The following SERPINI1 variants were observed in gnomAD, a reference collection of about 807,000 sequenced individuals.
SERPINI1 encodes serpin family I member 1.
A neutral mutation model predicts 41.1 loss-of-function variants in SERPINI1; 19 were observed. That is an observed-to-expected ratio of 0.46 (90% CI 0.32 to 0.68). The LOEUF (loss-of-function observed/expected upper bound fraction) is 0.68. Among genes scored for constraint, SERPINI1 ranks in the 30% least tolerant of loss-of-function variants. The pLI, the probability that SERPINI1 is intolerant of heterozygous loss-of-function variation, is 0.03. For missense variants in SERPINI1, 460 were observed against 479.2 expected, an observed-to-expected ratio of 0.96 and a Z score of 0.37; for synonymous variants, 138 against 156.6, an observed-to-expected ratio of 0.88 and a Z score of 0.89.
chr3:167,797,653 T>C (rs867067355), intron 5 of SERPINI1, among the ~76,000 whole-genome samples: 10 of 151,964 alleles, frequency 6.6e-5, no homozygotes, highest in Non-Finnish European at 1.3e-4. Flanking sequence ...TTAGCATGCA[T>C]AACTTTCTGT....
intron 6 of SERPINI1, among the ~76,000 whole-genome samples, chr3:167,812,431 A>G (rs946894169): frequency 6.6e-6 from 1 of 152,210 alleles, no homozygotes; most frequent in Non-Finnish European, 1.5e-5. Flanking sequence ...TTCCACAAGA[A>G]AAATCTCCTG....
chr3:167,787,284 T>A (rs1727346552), intron 1 of SERPINI1, among the ~76,000 whole-genome samples: 1 of 152,338 alleles, frequency 6.6e-6, no homozygotes, highest in African/African-American at 2.4e-5. Context: ...GTTATTTTTT[T>A]AAAATGATAA....
intron 1 of SERPINI1, among the ~76,000 whole-genome samples, chr3:167,784,973 T>G (rs1037160283): frequency 1.3e-5 from 2 of 152,196 alleles, no homozygotes; most frequent in African/African-American, 4.8e-5. Context: ...CCAAGCATGG[T>G]GGCTCACACC....
Position 167,790,515 on chromosome 3 carries a change from T to C in SERPINI1, c.394T>C (p.Phe132Leu), listed in dbSNP as rs779089806. 1 of 1,614,010 alleles carries C rather than the reference T, an allele frequency of 6.2e-7. No homozygotes were observed. The change falls in exon 3 of 9, where the codon TTT becomes CTT. Residue 132 changes from phenylalanine (F) to leucine (L), a missense_variant. Transcript: ENST00000446050. ...EEFLQMMKKYFNAAVNHVDFS... is the reference protein window; with the variant it reads ...EEFLQMMKKYLNAAVNHVDFS... The stretch of plus-strand genomic sequence containing the variant: ...GTTTTTGCAAATGATGAAAAAATAT[T>C]TTAATGCAGCAGTAAATCATGTGGA...
rs1228222500 is a variant in SERPINI1 at position 167,783,149 on chromosome 3, G to T, written c.-18-5962G>T. On this transcript the variant is annotated intron_variant, in intron 1 of 8. Transcript: ENST00000446050. ...CCAATAACCAGCAGTTCAGAGAGTGGCTGGAAACCAGAACCATTGGTATAG... is the reference window on the plus strand; with the variant it reads ...CCAATAACCAGCAGTTCAGAGAGTGTCTGGAAACCAGAACCATTGGTATAG... Among the ~76,000 whole-genome samples, 4 of 152,270 alleles carry T rather than the reference G, an allele frequency of 2.6e-5. No individual in the cohort carries two copies. The East Asian group carries it at 7.7e-4, about 29-fold the overall frequency.
chr3:167,737,836 A>C (rs539917963), intron 1 of SERPINI1, among the ~76,000 whole-genome samples: 1 of 152,220 alleles, frequency 6.6e-6, no homozygotes, highest in African/African-American at 2.4e-5. Context: ...GACACGGTAA[A>C]GGATAGAATC....
intron 1 of SERPINI1, among the ~76,000 whole-genome samples, chr3:167,768,442 G>T (rs563942211): frequency 6.6e-6 from 1 of 152,068 alleles, no homozygotes; most frequent in Admixed American, 6.6e-5. Flanking sequence ...TAACTTTATT[G>T]TGGCGACCTG....
At chr3:167,764,990 C>G (rs1726512592) in intron 1 of SERPINI1, among the ~76,000 whole-genome samples, 1 of 152,190 alleles carries the variant, frequency 6.6e-6, no homozygotes, top group Non-Finnish European at 1.5e-5. Flanking sequence ...TTGGGCAGCT[C>G]CACCCCTGTG....
chr3:167,791,672 A>C (rs180799374), intron 3 of SERPINI1, among the ~76,000 whole-genome samples: 2 of 152,360 alleles, frequency 1.3e-5, no homozygotes, highest in East Asian at 3.9e-4. Context: ...TTTGGAAAGG[A>C]ATATTTCAGA....
At chr3:167,762,966 T>G (rs1219502306) in intron 1 of SERPINI1, among the ~76,000 whole-genome samples, 2 of 152,136 alleles carry the variant, frequency 1.3e-5, no homozygotes, top group African/African-American at 2.4e-5. Context: ...GGTCTGGACT[T>G]TGGAGCCAGA....
At chr3:167,792,438 C>A in intron 3 of SERPINI1, 152 bp from the exon 4 acceptor site, 1 of 603,310 alleles carries the variant, frequency 1.7e-6, no homozygotes, top group Non-Finnish European at 2.9e-6. Context: ...AACTCTTTTC[C>A]CTTTGGAAGT....
intron 1 of SERPINI1, among the ~76,000 whole-genome samples, chr3:167,744,877 A>C (rs1009424348): frequency 7.3e-6 from 1 of 137,220 alleles, no homozygotes; most frequent in Non-Finnish European, 1.5e-5. Context: ...AAATATATAT[A>C]TATCAACTGA....
intron 7 of SERPINI1, among the ~76,000 whole-genome samples, 171 bp downstream of exon 7, chr3:167,823,243 G>A (rs1712401372): frequency 6.6e-6 from 1 of 152,168 alleles, no homozygotes; most frequent in African/African-American, 2.4e-5. Context: ...TGTGAAGTGT[G>A]AACTCACTCC....
chr3:167,825,537 T>G lies in SERPINI1; in HGVS notation c.*214T>G. 1 of 520,686 alleles carries G rather than the reference T, an allele frequency of 1.9e-6. No homozygotes were observed. The allele number at this position is 520,686 out of a possible 1,614,324, so 32.3% of individuals were successfully genotyped here. ...TTATGTCATTGTGTTTGTGTGCTGT[T>G]GTTTAAAATAAAAGTACCTATTGAA... On this transcript the variant is annotated 3_prime_UTR_variant, in exon 9 of 9. Coordinates refer to ENST00000446050, the MANE Select transcript of SERPINI1 (RefSeq NM_001122752.2).
intron 3 of SERPINI1, 128 bp downstream of exon 3, chr3:167,790,730 T>C: frequency 1.4e-6 from 1 of 700,600 alleles, no homozygotes; most frequent in Admixed American, 2.4e-5. Context: ...TATCTAATAA[T>C]TATTTTGTAT....
intron 1 of SERPINI1, among the ~76,000 whole-genome samples, chr3:167,737,310 C>G (rs971909924): frequency 6.6e-5 from 10 of 151,928 alleles, no homozygotes; most frequent in African/African-American, 2.4e-4. Flanking sequence ...TTTAATTACC[C>G]CTAAGCAAAT....
intron 3 of SERPINI1, among the ~76,000 whole-genome samples, chr3:167,791,305 C>T (rs1426135042): frequency 6.6e-6 from 1 of 152,066 alleles, no homozygotes; most frequent in Non-Finnish European, 1.5e-5. Context: ...GCCATATTTT[C>T]AAAGCTACCC....
intron 3 of SERPINI1, 71 bp from the exon 4 acceptor site, chr3:167,792,519 G>A (rs1727562035): frequency 7.6e-7 from 1 of 1,321,206 alleles, no homozygotes; most frequent in Non-Finnish European, 1.1e-6. Context: ...ATGGTGATTT[G>A]AAAATCTTCT....
chr3:167,781,420 CT>C (rs747542236), intron 1 of SERPINI1, among the ~76,000 whole-genome samples: 59 of 152,100 alleles, frequency 3.9e-4, no homozygotes, highest in Non-Finnish European at 6.5e-4. Flanking sequence ...TGTAGTCATT[CT>C]TTTGTATGAT....
Sources: allele counts gnomAD v4.1 joint callset (sites outside exome capture counted in the v4.1 genomes callset), GRCh38; gene constraint gnomAD v4.1.1; transcripts MANE v1.5; gene names NCBI Gene and HGNC (gene_info 2026-07-23, HGNC 2026-07-21).